FGD4: variants seen among roughly 807,000 people sequenced by gnomAD.
The protein encoded by FGD4 is FYVE, RhoGEF and PH domain-containing protein 4.
Under a neutral mutation model 102.0 loss-of-function variants are expected in FGD4, and 42 were observed. The ratio of observed to expected loss-of-function variants is 0.41; its 90% CI spans 0.32 to 0.53. The LOEUF (loss-of-function observed/expected upper bound fraction) is 0.53, where lower values mean the gene tolerates loss of function less well. Ranked by LOEUF, FGD4 falls within the 20% of genes least tolerant of loss-of-function variation. FGD4 has a pLI of 0.21. For missense variants in FGD4, 902 were observed against 1,078.2 expected, an observed-to-expected ratio of 0.84 and a Z score of 2.29; for synonymous variants, 380 against 375.7, an observed-to-expected ratio of 1.01 and a Z score of -0.13.
Position 32,521,372 on chromosome 12 carries a change from C to CAAA in FGD4, c.167-42749_167-42747dup, listed in dbSNP as rs60786078. 1.8e-3 allele frequency among the ~76,000 whole-genome samples: 170 copies of CAAA among 93,924 alleles called. 1 individual carries two copies. Among genetic ancestry groups the CAAA allele is most frequent in the African/African-American group, 4.1e-3 (99 of 24,014 alleles). 61.6% of individuals were successfully genotyped at this position (93,924 alleles called of 152,430 possible). On this transcript the variant is annotated intron_variant, in intron 1 of 16. Transcript: ENST00000534526. ...GCCTGGCGACGGCGAGACTCCGTCT[C>CAAA]AAAAAAAAAAAAAAAAAAGGACATT... is the stretch of plus-strand genomic sequence containing the variant.
chr12:32,424,768 T>G (rs145059045), intron 1 of FGD4, among the ~76,000 whole-genome samples: 1,631 of 152,338 alleles, frequency 0.011, 28 homozygotes, highest in African/African-American at 0.037. Context: ...CTATTCTAAC[T>G]GGTGTGAGAT....
At chr12:32,563,165 G>A (rs1405153658) in intron 1 of FGD4, among the ~76,000 whole-genome samples, 23 of 152,082 alleles carry the variant, frequency 1.5e-4, no homozygotes, top group African/African-American at 5.3e-4. Flanking sequence ...CCTCCCGGAT[G>A]GGGTGGCTGC....
chr12:32,399,878 C>A lies in FGD4; in HGVS notation c.85C>A (p.Arg29=). The A allele has an allele frequency of 6.5e-7, 1 of 1,531,166 alleles. No homozygotes were observed. 94.8% of individuals were successfully genotyped at this position (1,531,166 alleles called of 1,614,324 possible). A position where few individuals can be genotyped will look rare whatever the true frequency, so the allele number is the denominator to read the frequency against. The change falls in exon 1 of 17, where the codon CGG becomes AGG. Residue 29 remains arginine (R), a synonymous_variant. Transcript: ENST00000534526. ...CTCCTACCTGCCGCCCGGGGTGCCC[C>A]GGCCCTGGAGCAGGCCCGCGTCGCA... is the stretch of plus-strand genomic sequence containing the variant. ...NPSYLPPGVP[R]PWSRPASHLG...
rs74073032 is a variant in FGD4 at position 32,640,230 on chromosome 12, A to G, written c.2455-46A>G. ...AGTAGGAGCAAGGGACACACTTAAC[A>G]AGCGAATACATCACCTGCTTTTAAT... On this transcript the variant is annotated intron_variant, in intron 16 of 16. Coordinates refer to ENST00000534526, the MANE Select transcript of FGD4 (RefSeq NM_001370298.3). 98,099 of 1,613,930 alleles carry G rather than the reference A, an allele frequency of 0.061. 3,162 individuals are homozygous for G. The highest frequency in any genetic ancestry group is 0.076 in the East Asian group (3,401 of 44,886).
At chr12:32,516,561 A>ACC (rs1939904117) in intron 1 of FGD4, among the ~76,000 whole-genome samples, 4 of 152,234 alleles carry the variant, frequency 2.6e-5, no homozygotes, top group Admixed American at 2.6e-4. Flanking sequence ...TGTCACTGAC[A>ACC]AGTTATCTGT....
chr12:32,584,666 T>C (rs1164186590), intron 4 of FGD4, among the ~76,000 whole-genome samples: 1 of 152,110 alleles, frequency 6.6e-6, no homozygotes, highest in African/African-American at 2.4e-5. Flanking sequence ...TGCTGTGATA[T>C]AGGTATATTC....
At chr12:32,533,037 G>C (rs1941944426) in intron 1 of FGD4, among the ~76,000 whole-genome samples, 1 of 152,162 alleles carries the variant, frequency 6.6e-6, no homozygotes, top group Admixed American at 6.5e-5. Context: ...ATTGGCTCCT[G>C]CCTGACATCC....
At chr12:32,604,726 A>T (rs1948653371) in intron 7 of FGD4, among the ~76,000 whole-genome samples, 1 of 152,110 alleles carries the variant, frequency 6.6e-6, no homozygotes, top group Non-Finnish European at 1.5e-5. Flanking sequence ...CAGTCCTCAC[A>T]GTCCGTGCCA....
chr12:32,403,650 G>GCAGT (rs1940787929), intron 1 of FGD4, among the ~76,000 whole-genome samples: 1 of 148,228 alleles, frequency 6.7e-6, no homozygotes, highest in South Asian at 2.1e-4. Context: ...AGGCTGGAGT[G>GCAGT]CAGTGGTGCA....
chr12:32,474,055 T>C (rs1943517118), intron 1 of FGD4, among the ~76,000 whole-genome samples: 1 of 151,020 alleles, frequency 6.6e-6, no homozygotes, highest in Non-Finnish European at 1.5e-5. Flanking sequence ...GCCACTGCAC[T>C]CCAGCCTGGG....
intron 1 of FGD4, among the ~76,000 whole-genome samples, chr12:32,562,620 G>C (rs878983446): frequency 6.6e-5 from 10 of 152,102 alleles, no homozygotes; most frequent in Non-Finnish European, 1.2e-4. Flanking sequence ...GATTCTTAAC[G>C]AGCATGCTGC....
chr12:32,576,268 C>T lies in FGD4; in HGVS notation c.322C>T (p.Pro108Ser). Residue 108 changes from proline (P) to serine (S), a missense_variant and splice_region_variant, in exon 3 of 17, where the codon CCT (proline) becomes TCT (serine). Transcript: ENST00000534526. ...TATATTCTATTCTTTTTCTACAGTG[C>T]CTCCAAAGCCATTACACCTGCAGAA... ...HSAASPKPQV[P>S]PKPLHLQNSP... 6.3e-7 allele frequency: 1 copy of T among 1,591,064 alleles called. No homozygotes were observed. The highest frequency in any genetic ancestry group is 8.6e-7 in the Non-Finnish European group (1 of 1,166,898).
chr12:32,633,796 A>T (rs1453277560), intron 15 of FGD4, 107 bp downstream of exon 15: 1 of 1,011,790 alleles, frequency 9.9e-7, no homozygotes, highest in Non-Finnish European at 1.4e-6. Context: ...GCTCACTGCA[A>T]CCTCAGCCTC....
At chr12:32,445,840 A>C (rs76104155) in intron 1 of FGD4, among the ~76,000 whole-genome samples, 5,812 of 152,316 alleles carry the variant, frequency 0.038, 172 homozygotes, top group South Asian at 0.12. Context: ...CTGGAATTTT[A>C]TTTAAAATTC....
chr12:32,604,764 G>A (rs1189487254), intron 7 of FGD4, among the ~76,000 whole-genome samples: 2 of 152,154 alleles, frequency 1.3e-5, no homozygotes, highest in South Asian at 4.1e-4. Context: ...TAGTGACTGA[G>A]CTGGGAGAGG....
At chr12:32,537,141 C>T (rs1023090038) in intron 1 of FGD4, among the ~76,000 whole-genome samples, 4 of 152,134 alleles carry the variant, frequency 2.6e-5, no homozygotes, top group African/African-American at 4.8e-5. Flanking sequence ...ATCTCCTGAT[C>T]TCATTATCCG....
chr12:32,409,892 G>A lies in FGD4; in HGVS notation c.166+9933G>A, dbSNP rs141516191. 3.7e-3 allele frequency among the ~76,000 whole-genome samples: 560 copies of A among 151,924 alleles called. 3 individuals carry two copies. Among genetic ancestry groups the A allele is most frequent in the African/African-American group, 0.013 (524 of 41,428 alleles). On this transcript the variant is annotated intron_variant, in intron 1 of 16. Coordinates refer to ENST00000534526, the MANE Select transcript of FGD4 (RefSeq NM_001370298.3). ...ATATTTGGCATCATTTGGTCCAGTCGCAGTAGCTCACATCTGTAAAACCAG... is the reference window on the plus strand; with the variant it reads ...ATATTTGGCATCATTTGGTCCAGTCACAGTAGCTCACATCTGTAAAACCAG...
chr12:32,584,555 T>C (rs992661075), intron 4 of FGD4, among the ~76,000 whole-genome samples: 3 of 152,066 alleles, frequency 2.0e-5, no homozygotes, highest in Admixed American at 2.0e-4. Flanking sequence ...ATCTAAACTG[T>C]ATATAATCTT....
Position 32,602,144 on chromosome 12 carries a change from T to C in FGD4, c.1248-17T>C, listed in dbSNP as rs376455877. ...AAAAATTTTTTTTAAAGACTTGTTTTTCTATATTTGATACAGGGAAACTAC... is the reference window on the plus strand; with the variant it reads ...AAAAATTTTTTTTAAAGACTTGTTTCTCTATATTTGATACAGGGAAACTAC... On this transcript the variant is annotated splice_polypyrimidine_tract_variant and intron_variant, in intron 6 of 16. Transcript: ENST00000534526. The C allele has an allele frequency of 1.1e-5, 17 of 1,613,074 alleles. No individual in the cohort carries two copies. The highest frequency in any genetic ancestry group is 1.4e-5 in the Non-Finnish European group (17 of 1,179,848).
Sources: gnomAD v4.1 joint callset for allele counts (sites outside exome capture counted in the v4.1 genomes callset) on GRCh38, gnomAD v4.1.1 for gene constraint, MANE v1.5 for transcripts, NCBI Gene and HGNC (gene_info 2026-07-23, HGNC 2026-07-21) for gene names.